The following COL25A1 variants were observed in gnomAD, a reference collection of about 807,000 sequenced individuals.
COL25A1 encodes the protein collagen alpha-1(XXV) chain.
A neutral mutation model predicts 128.4 loss-of-function variants in COL25A1; 103 were observed. The observed-to-expected ratio is 0.80, with a 90% CI of 0.68 to 0.94. The LOEUF is 0.94. COL25A1 is among the 40% of genes least tolerant of loss of function. The pLI is 0.00. For missense variants in COL25A1, 745 were observed against 840.0 expected, an observed-to-expected ratio of 0.89 and a Z score of 1.40; for synonymous variants, 279 against 277.2, an observed-to-expected ratio of 1.01 and a Z score of -0.06.
chr4:109,208,512 T>C (rs1424515115), intron 3 of COL25A1, among the ~76,000 whole-genome samples: 1 of 151,496 alleles, frequency 6.6e-6, no homozygotes, highest in African/African-American at 2.4e-5. Context: ...TTATTAAATC[T>C]CATTCAGATA....
chr4:109,266,666 A>G lies in COL25A1; in HGVS notation c.367+33917T>C, dbSNP rs556811317. Among the ~76,000 whole-genome samples the G allele has an allele frequency of 1.1e-3, 168 of 152,216 alleles. 2 individuals are homozygous for G. Among genetic ancestry groups the G allele is most frequent in the African/African-American group, 3.7e-3 (153 of 41,568 alleles). ...CATTACTACGACCAAAAAAAAAAAAAGTATTCATTGTAGGAAGAGAAGATA... is the reference window on the plus strand; with the variant it reads ...CATTACTACGACCAAAAAAAAAAAAGGTATTCATTGTAGGAAGAGAAGATA... On this transcript the variant is annotated intron_variant, in intron 3 of 37. Coordinates refer to ENST00000399132, the MANE Select transcript of COL25A1 (RefSeq NM_198721.4).
chr4:109,217,261 G>A (rs1408162795), intron 3 of COL25A1, among the ~76,000 whole-genome samples: 2 of 151,046 alleles, frequency 1.3e-5, no homozygotes, highest in East Asian at 1.9e-4. Context: ...TTTTACTGGG[G>A]GTATTTTATA....
chr4:109,113,898 T>C (rs1194771754), intron 3 of COL25A1, among the ~76,000 whole-genome samples: 1 of 152,076 alleles, frequency 6.6e-6, no homozygotes, highest in Non-Finnish European at 1.5e-5. Flanking sequence ...CATCCCTAAG[T>C]GTCCAGTTCC....
intron 5 of COL25A1, among the ~76,000 whole-genome samples, chr4:109,023,629 G>A (rs1757964540): frequency 6.6e-6 from 1 of 152,166 alleles, no homozygotes; most frequent in African/African-American, 2.4e-5. Flanking sequence ...CACCAAGAAT[G>A]TTCACAGCAA....
chr4:108,904,016 C>T (rs778571398), intron 13 of COL25A1, among the ~76,000 whole-genome samples: 6 of 152,110 alleles, frequency 3.9e-5, no homozygotes, highest in East Asian at 3.9e-4. Context: ...ATAATAGTTA[C>T]GTCACGAAAC....
intron 12 of COL25A1, among the ~76,000 whole-genome samples, chr4:108,920,150 A>G: frequency 6.6e-6 from 1 of 152,222 alleles, no homozygotes; most frequent in East Asian, 1.9e-4. Flanking sequence ...TACCTCAGCA[A>G]AGAAGGACAC....
At chr4:108,918,487 C>T (rs1745124906) in intron 12 of COL25A1, among the ~76,000 whole-genome samples, 1 of 152,188 alleles carries the variant, frequency 6.6e-6, no homozygotes, top group East Asian at 1.9e-4. Flanking sequence ...TCATACCTAT[C>T]AGAGGGCCAC....
intron 8 of COL25A1, among the ~76,000 whole-genome samples, chr4:108,943,062 A>G (rs949233268): frequency 5.3e-5 from 8 of 152,106 alleles, no homozygotes; most frequent in Admixed American, 5.2e-4. Context: ...AGTCAAACCA[A>G]TAATTTCTTA....
chr4:109,054,738 A>C (rs1451527270), intron 3 of COL25A1, among the ~76,000 whole-genome samples: 1 of 152,224 alleles, frequency 6.6e-6, no homozygotes, highest in Non-Finnish European at 1.5e-5. Context: ...ACAGCAAAGT[A>C]AAGGGCAGAA....
intron 8 of COL25A1, among the ~76,000 whole-genome samples, chr4:108,971,183 C>T (rs1751875123): frequency 6.6e-6 from 1 of 152,110 alleles, no homozygotes; most frequent in South Asian, 2.1e-4. Context: ...AGGGATATAA[C>T]ATATAACCAC....
intron 3 of COL25A1, among the ~76,000 whole-genome samples, chr4:109,197,329 T>C (rs1386386317): frequency 7.6e-6 from 1 of 131,820 alleles, no homozygotes; most frequent in Non-Finnish European, 1.5e-5. Flanking sequence ...CTGTCTCAAG[T>C]ATATATATAT....
intron 11 of COL25A1, among the ~76,000 whole-genome samples, chr4:108,936,532 A>C (rs1578819162): frequency 6.6e-6 from 1 of 152,066 alleles, no homozygotes; most frequent in Non-Finnish European, 1.5e-5. Flanking sequence ...GCGCCACTGC[A>C]CTCCAGCCTG....
intron 3 of COL25A1, among the ~76,000 whole-genome samples, chr4:109,237,647 T>G (rs981446848): frequency 6.7e-6 from 1 of 148,404 alleles, no homozygotes; most frequent in African/African-American, 2.5e-5. Context: ...CTTTAAAAAA[T>G]TATTTATTTG....
chr4:109,141,638 G>A (rs1039462480), intron 3 of COL25A1, among the ~76,000 whole-genome samples: 57 of 152,000 alleles, frequency 3.8e-4, no homozygotes, highest in African/African-American at 1.3e-3. Flanking sequence ...TCAGGGATTC[G>A]ACTTCTTCCT....
chr4:109,292,248 G>A (rs1724542839), intron 3 of COL25A1, among the ~76,000 whole-genome samples: 1 of 151,938 alleles, frequency 6.6e-6, no homozygotes, highest in Admixed American at 6.6e-5. Flanking sequence ...ATATTATGGG[G>A]TTTCTCATAT....
At chr4:109,038,093 G>C (rs1179310388) in intron 5 of COL25A1, among the ~76,000 whole-genome samples, 2 of 152,192 alleles carry the variant, frequency 1.3e-5, no homozygotes, top group Admixed American at 6.5e-5. Flanking sequence ...AACTTGAAGA[G>C]GTGTCTGTTT....
chr4:108,900,339 A>G (rs893248251), intron 14 of COL25A1, among the ~76,000 whole-genome samples: 2 of 152,204 alleles, frequency 1.3e-5, no homozygotes, highest in Non-Finnish European at 2.9e-5. Context: ...GAACAGGTCT[A>G]TAAATTTCAG....
intron 5 of COL25A1, among the ~76,000 whole-genome samples, chr4:109,017,578 A>G (rs1055593140): frequency 5.3e-5 from 8 of 152,206 alleles, no homozygotes; most frequent in African/African-American, 1.9e-4. Context: ...TACTTTTTTT[A>G]TGGATGGTAA....
intron 6 of COL25A1, among the ~76,000 whole-genome samples, chr4:108,996,412 G>T (rs1019958525): frequency 6.6e-6 from 1 of 151,898 alleles, no homozygotes; most frequent in Non-Finnish European, 1.5e-5. Flanking sequence ...AATGCAACAT[G>T]AAGAGCTAAC....
Sources: allele counts gnomAD v4.1 joint callset (sites outside exome capture counted in the v4.1 genomes callset), GRCh38; gene constraint gnomAD v4.1.1; transcripts MANE v1.5; gene names NCBI Gene and HGNC (gene_info 2026-07-23, HGNC 2026-07-21).